ATL2: variants seen among roughly 807,000 people sequenced by gnomAD.
ATL2 encodes the protein atlastin-2.
ATL2 carries 31 observed loss-of-function variants against 73.9 expected under a neutral mutation model. That is an observed-to-expected ratio of 0.42 (90% CI 0.32 to 0.57). ATL2 has a LOEUF of 0.57. ATL2 is among the 20% of genes least tolerant of loss of function. The pLI, the probability that ATL2 is intolerant of heterozygous loss-of-function variation, is 0.14. For synonymous variants in ATL2, 291 were observed against 237.5 expected, an observed-to-expected ratio of 1.23 and a Z score of -2.07; for missense variants, 738 against 702.6, an observed-to-expected ratio of 1.05 and a Z score of -0.57.
chr2:38,325,906 T>TTA (rs1271281498), intron 2 of ATL2, among the ~76,000 whole-genome samples: 2 of 52,028 alleles, frequency 3.8e-5, no homozygotes, highest in Admixed American at 4.0e-4. Flanking sequence ...TTTGTTTGTT[T>TTA]AAAAAAAAAA....
At chr2:38,364,851 T>C (rs1004319664) in intron 1 of ATL2, among the ~76,000 whole-genome samples, 3 of 152,112 alleles carry the variant, frequency 2.0e-5, no homozygotes, top group African/African-American at 7.2e-5. Context: ...GAGACCATCC[T>C]GGCTAACACG....
At chr2:38,296,795 T>C in intron 12 of ATL2, 1 of 1,512,742 alleles carries the variant, frequency 6.6e-7, no homozygotes, top group South Asian at 1.2e-5. Flanking sequence ...ACCTAAACTA[T>C]ACTGAAAATG....
rs1242556302 is a variant in ATL2 at position 38,349,278 on chromosome 2, G to A, written c.119-5766C>T. Reference sequence around the variant, plus strand: ...GCAAAGACTTGGAACCAACCCAAACGTCCATCAATGATAGACTGGATTAAG... The same window carrying A: ...GCAAAGACTTGGAACCAACCCAAACATCCATCAATGATAGACTGGATTAAG... On this transcript the variant is annotated intron_variant, in intron 1 of 12. Coordinates refer to ENST00000378954, the MANE Select transcript of ATL2 (RefSeq NM_001135673.4). Among the ~76,000 whole-genome samples the A allele has an allele frequency of 2.6e-5, 4 of 151,904 alleles. No individual in the cohort carries two copies. In the East Asian group the frequency reaches 5.8e-4, roughly 22 times the overall value.
intron 1 of ATL2, among the ~76,000 whole-genome samples, chr2:38,364,288 A>AAAAG (rs1225693377): frequency 3.1e-4 from 47 of 150,274 alleles, no homozygotes; most frequent in African/African-American, 1.1e-3. Context: ...TAAAATAAAA[A>AAAAG]TAAAAGTATA....
intron 11 of ATL2, 121 bp from the exon 12 acceptor site, chr2:38,298,696 T>TC: frequency 1.0e-6 from 1 of 953,474 alleles, no homozygotes; most frequent in East Asian, 2.5e-5. Flanking sequence ...AGTTTTAAAC[T>TC]CACTTACAAT....
At chr2:38,306,563 G>A (rs1210404863) in intron 9 of ATL2, among the ~76,000 whole-genome samples, 2 of 152,134 alleles carry the variant, frequency 1.3e-5, no homozygotes, top group Non-Finnish European at 2.9e-5. Flanking sequence ...AGGGATGCAA[G>A]GACAGTTCAA....
rs149438712 is a variant in ATL2, at chr2:38,294,120, T to G, written c.*1874A>C. ...TCTTTAAGAACAGATAAGTTAGCAATTTAATACAGATGAAAACAAATACAA... is the reference window on the plus strand; with the variant it reads ...TCTTTAAGAACAGATAAGTTAGCAAGTTAATACAGATGAAAACAAATACAA... On this transcript the variant is annotated 3_prime_UTR_variant, in exon 13 of 13. Transcript: ENST00000378954. Among the ~76,000 whole-genome samples the G allele has an allele frequency of 8.5e-4, 130 of 152,348 alleles. No individual in the cohort carries two copies. Among genetic ancestry groups the G allele is most frequent in the African/African-American group, 2.7e-3 (111 of 41,590 alleles).
At chr2:38,296,815 A>C (rs1382249367) in intron 12 of ATL2, 1 of 1,428,368 alleles carries the variant, frequency 7.0e-7, no homozygotes, top group East Asian at 2.5e-5. Flanking sequence ...GATTTTATAC[A>C]CTTTAGATTC....
At chr2:38,357,919 A>T (rs1427888037) in intron 1 of ATL2, among the ~76,000 whole-genome samples, 2 of 152,104 alleles carry the variant, frequency 1.3e-5, no homozygotes, top group Non-Finnish European at 2.9e-5. Context: ...AAAAACATAC[A>T]ATTAAACCAC....
chr2:38,353,449 C>G (rs930622524), intron 1 of ATL2, among the ~76,000 whole-genome samples: 3 of 152,136 alleles, frequency 2.0e-5, no homozygotes, highest in East Asian at 3.8e-4. Context: ...GAGAGTCTCA[C>G]GAACCTATGG....
At position 38,335,630 on chromosome 2, in the gene ATL2, T is replaced by C. The variant is rs951144536; in HGVS notation, c.363+7638A>G. Among the ~76,000 whole-genome samples the C allele has an allele frequency of 3.3e-5, 5 of 152,218 alleles. No individual in the cohort carries two copies. The South Asian group carries it at 1.0e-3, about 32-fold the overall frequency. ...AGGGGAATTAGAGAGCCTCCTAGAA[T>C]GCAGGAAATGCTGTCTTGTTCTGAG... On this transcript the variant is annotated intron_variant, in intron 2 of 12. Coordinates refer to ENST00000378954, the MANE Select transcript of ATL2 (RefSeq NM_001135673.4).
rs540494194 is a variant in ATL2, at chr2:38,359,085, A to G, written c.119-15573T>C. On this transcript the variant is annotated intron_variant, in intron 1 of 12. Coordinates refer to ENST00000378954, the MANE Select transcript of ATL2 (RefSeq NM_001135673.4). ...TTTTAAAGACTCCAGGAAACGACTT[A>G]TTAACAATTTCAGTTATCAAATATT... is the stretch of plus-strand genomic sequence containing the variant. Among the ~76,000 whole-genome samples the G allele has an allele frequency of 6.6e-5, 10 of 152,362 alleles. No homozygotes were observed. The South Asian group carries it at 2.1e-3, about 32-fold the overall frequency.
chr2:38,296,222 G>A, intron 12 of ATL2, 109 bp from the exon 13 acceptor site: 1 of 1,423,538 alleles, frequency 7.0e-7, no homozygotes, highest in Non-Finnish European at 9.2e-7. Context: ...AAATAACCAG[G>A]AATATGGGAA....
intron 2 of ATL2, among the ~76,000 whole-genome samples, chr2:38,336,899 C>A (rs555163813): frequency 3.9e-5 from 6 of 152,264 alleles, no homozygotes; most frequent in African/African-American, 1.4e-4. Context: ...AATACGTCAT[C>A]ATCTATGAAG....
chr2:38,307,229 C>G (rs1212788952), intron 9 of ATL2, among the ~76,000 whole-genome samples: 3 of 152,046 alleles, frequency 2.0e-5, no homozygotes, highest in Non-Finnish European at 4.4e-5. Context: ...ATGGTGGCAG[C>G]TGCCTGTAAT....
At chr2:38,310,224 A>C in intron 8 of ATL2, 85 bp downstream of exon 8, 1 of 1,449,788 alleles carries the variant, frequency 6.9e-7, no homozygotes, top group Non-Finnish European at 9.5e-7. Context: ...ATAAGACAGG[A>C]CATTTAAGGC....
At chr2:38,328,582 A>G (rs542838906) in intron 2 of ATL2, among the ~76,000 whole-genome samples, 1 of 152,338 alleles carries the variant, frequency 6.6e-6, no homozygotes, top group South Asian at 2.1e-4. Context: ...TCAAAATGAC[A>G]CAGGAGTCAA....
At chr2:38,335,030 G>A (rs1049053761) in intron 2 of ATL2, among the ~76,000 whole-genome samples, 2 of 113,792 alleles carry the variant, frequency 1.8e-5, no homozygotes, top group African/African-American at 5.7e-5. Context: ...GTATACAGAC[G>A]TATACAGATA....
intron 1 of ATL2, among the ~76,000 whole-genome samples, chr2:38,370,678 A>T (rs2124498325): frequency 6.6e-6 from 1 of 152,152 alleles, no homozygotes; most frequent in African/African-American, 2.4e-5. Flanking sequence ...GGGGCAGAAG[A>T]ATCTCTTGAA....
Sources: gnomAD v4.1 joint callset for allele counts (sites outside exome capture counted in the v4.1 genomes callset) on GRCh38, gnomAD v4.1.1 for gene constraint, MANE v1.5 for transcripts, NCBI Gene and HGNC (gene_info 2026-07-23, HGNC 2026-07-21) for gene names.